The following ZNF227 variants were observed in gnomAD, a reference collection of about 807,000 sequenced individuals.
The protein encoded by ZNF227 is zinc finger protein 227.
ZNF227 carries 12 observed loss-of-function variants against 13.2 expected under a neutral mutation model. The ratio of observed to expected loss-of-function variants is 0.91; its 90% confidence interval spans 0.58 to 1.47. The LOEUF (loss-of-function observed/expected upper bound fraction) is 1.47, where lower values mean the gene tolerates loss of function less well. ZNF227 is among the 40% of genes most tolerant of loss of function. The pLI is 0.00. For missense variants in ZNF227, 885 were observed against 967.5 expected, an observed-to-expected ratio of 0.91 and a Z score of 1.13; for synonymous variants, 338 against 326.0, an observed-to-expected ratio of 1.04 and a Z score of -0.40.
At chr19:44,220,864 T>C (rs1191697273) in intron 3 of ZNF227, among the ~76,000 whole-genome samples, 2 of 151,528 alleles carry the variant, frequency 1.3e-5, no homozygotes, top group Admixed American at 1.3e-4. Flanking sequence ...TGTGTCCATG[T>C]GTTCTCATTG....
rs1368662349 is a variant in ZNF227, at chr19:44,236,157, A to G, written c.1727A>G (p.Tyr576Cys). 2.5e-6 allele frequency: 4 copies of G among 1,614,032 alleles called. No homozygotes were observed. The highest frequency in any genetic ancestry group is 2.2e-5 in the South Asian group (2 of 91,076). ...GTAATTCACACTGGAGAAAAACCATATAAATGTGAGGAATGTGGGAAGGGC... is the reference window on the plus strand; with the variant it reads ...GTAATTCACACTGGAGAAAAACCATGTAAATGTGAGGAATGTGGGAAGGGC... The part of the protein sequence containing the change: ...HQVIHTGEKP[Y>C]KCEECGKGFS... Residue 576 changes from tyrosine (Y) to cysteine (C), a missense_variant, in exon 6 of 6, where the codon TAT becomes TGT. By Grantham distance (194) the Tyr-to-Cys change is radical. Transcript: ENST00000313040.
At chr19:44,213,609 G>C (rs1356270133) in intron 2 of ZNF227, 1 of 152,050 alleles carries the variant, frequency 6.6e-6, no homozygotes, top group African/African-American at 2.4e-5. Context: ...GTTTGTTTTT[G>C]TTTCTTTGGT....
chr19:44,208,535 A>T (rs1971263435), upstream of ZNF227, among the ~76,000 whole-genome samples: 1 of 152,206 alleles, frequency 6.6e-6, no homozygotes, highest in South Asian at 2.1e-4. Context: ...ATAGCCGCTA[A>T]TGAAATTTAC....
intron 5 of ZNF227, among the ~76,000 whole-genome samples, chr19:44,232,292 G>A (rs967048761): frequency 2.6e-5 from 4 of 152,182 alleles, no homozygotes; most frequent in Non-Finnish European, 5.9e-5. Context: ...AAGTTAGGCC[G>A]GACTTTCAGA....
intron 3 of ZNF227, among the ~76,000 whole-genome samples, chr19:44,221,686 CA>C (rs1287248541): frequency 2.0e-5 from 3 of 152,114 alleles, no homozygotes; most frequent in Non-Finnish European, 4.4e-5. Context: ...GAGTAGGTTG[CA>C]AAAATTTTCT....
chr19:44,236,914 A>G lies in ZNF227; in HGVS notation c.*84A>G, dbSNP rs1165295658. 17 of 1,113,346 alleles carry G rather than the reference A, an allele frequency of 1.5e-5. No individual in the cohort carries two copies. Among genetic ancestry groups the G allele is most frequent in the Non-Finnish European group, 1.4e-5 (11 of 790,146 alleles). The allele number at this position is 1,113,346 out of a possible 1,614,324, so 69.0% of individuals were successfully genotyped here. A position where few individuals can be genotyped will look rare whatever the true frequency, so the allele number is the denominator to read the frequency against. On this transcript the variant is annotated 3_prime_UTR_variant, in exon 6 of 6. Transcript: ENST00000313040. The stretch of plus-strand genomic sequence containing the variant: ...TCCATGCTGGTGGTAAACCCTGTAA[A>G]ACTACTGAGAGTGGAAGGGGGTTTG...
At chr19:44,230,922 A>G (rs1471607431) in intron 5 of ZNF227, among the ~76,000 whole-genome samples, 1 of 107,152 alleles carries the variant, frequency 9.3e-6, no homozygotes, top group Non-Finnish European at 1.6e-5. Context: ...AAAAAAAAAA[A>G]AAAAATATAT....
In ZNF227 at chr19:44,234,906, A is replaced by C. The variant is rs931828418; in HGVS notation, c.476A>C (p.Asp159Ala). The C allele has an allele frequency of 3.1e-6, 5 of 1,612,858 alleles. No individual in the cohort carries two copies. The highest frequency in any genetic ancestry group is 3.4e-6 in the Non-Finnish European group (4 of 1,179,744). ...NENNIMNPKG[D>A]SSIYIENQEF... is the part of the protein sequence containing the mutation. ...AACAATATAATGAACCCTAAAGGAG[A>C]TAGCTCTATTTATATTGAAAATCAA... The change falls in exon 6 of 6, where the codon GAT (aspartate) becomes GCT (alanine). Residue 159 changes from aspartate to alanine, a missense_variant. Asp to Ala is a moderately radical substitution (Grantham distance 126). Transcript: ENST00000313040.
Position 44,225,036 on chromosome 19 carries a change from T to G in ZNF227, c.61-3410T>G, listed in dbSNP as rs542266126. ...TCTCCTTCACTTATGAAGCTTAGTT[T>G]GGCTGGATATGAAATTCTGGGTTGA... On this transcript the variant is annotated intron_variant, in intron 3 of 5. Transcript: ENST00000313040. 1.7e-4 allele frequency among the ~76,000 whole-genome samples: 26 copies of G among 152,100 alleles called. 1 individual carries two copies. In the South Asian group the frequency reaches 5.0e-3, roughly 29 times the overall value.
chr19:44,216,250 T>C (rs1311860392), intron 2 of ZNF227, among the ~76,000 whole-genome samples: 1 of 152,050 alleles, frequency 6.6e-6, no homozygotes, highest in Non-Finnish European at 1.5e-5. Context: ...TTCTTTCTCA[T>C]GTAAATAATC....
At chr19:44,225,056 G>C (rs1972958852) in intron 3 of ZNF227, among the ~76,000 whole-genome samples, 2 of 151,766 alleles carry the variant, frequency 1.3e-5, no homozygotes, top group Non-Finnish European at 2.9e-5. Context: ...TGAAATTCTG[G>C]GTTGAAAATT....
chr19:44,221,496 A>C (rs1972509978), intron 3 of ZNF227, among the ~76,000 whole-genome samples: 1 of 152,056 alleles, frequency 6.6e-6, no homozygotes, highest in African/African-American at 2.4e-5. Flanking sequence ...TTTGATTTGC[A>C]TTTCCCTGAT....
Position 44,226,193 on chromosome 19 carries a change from T to TG in ZNF227, c.61-2246dup, listed in dbSNP as rs565095726. Among the ~76,000 whole-genome samples the TG allele has an allele frequency of 6.4e-3, 968 of 152,218 alleles. 10 individuals are homozygous for TG. Among genetic ancestry groups the TG allele is most frequent in the African/African-American group, 0.018 (749 of 41,546 alleles). On this transcript the variant is annotated intron_variant, in intron 3 of 5. Transcript: ENST00000313040. ...GTGTGAGGTGTCAGTCTGCCCCTACTGGGGGGGTGTCTCCCAGTTAGGCTG... is the reference window on the plus strand; with the variant it reads ...GTGTGAGGTGTCAGTCTGCCCCTACTGGGGGGGGTGTCTCCCAGTTAGGCTG...
upstream of ZNF227, among the ~76,000 whole-genome samples, chr19:44,211,397 T>C (rs1347963570): frequency 6.6e-6 from 1 of 152,232 alleles, no homozygotes; most frequent in Non-Finnish European, 1.5e-5. Context: ...AAACATGTAC[T>C]GTAGTAGATA....
intron 3 of ZNF227, among the ~76,000 whole-genome samples, chr19:44,226,825 G>C (rs1435229610): frequency 6.6e-6 from 1 of 152,252 alleles, no homozygotes; most frequent in East Asian, 1.9e-4. Flanking sequence ...GATGAACCCA[G>C]TACCTCAGAT....
upstream of ZNF227, among the ~76,000 whole-genome samples, chr19:44,212,117 T>C (rs796305112): frequency 4.6e-5 from 7 of 152,058 alleles, no homozygotes; most frequent in African/African-American, 1.7e-4. Flanking sequence ...CTGGAACTCC[T>C]GACCTCGTGA....
intron 3 of ZNF227, among the ~76,000 whole-genome samples, chr19:44,223,633 G>T (rs1599802040): frequency 6.6e-6 from 1 of 151,760 alleles, no homozygotes; most frequent in Non-Finnish European, 1.5e-5. Context: ...TTTTTTATTG[G>T]GTCTATTTGA....
rs769555625 is a variant in ZNF227, at chr19:44,236,678, G to A, written c.2248G>A (p.Gly750Ser). 6.8e-6 allele frequency: 11 copies of A among 1,614,008 alleles called. No homozygotes were observed. Among genetic ancestry groups the A allele is most frequent in the Non-Finnish European group, 9.3e-6 (11 of 1,180,004 alleles). ...AAAACTCTTTAAATGTGAAGAGTGT[G>A]GTAAAGGCTTCAGTCAGAGTGCACG... ...REKLFKCEEC[G>S]KGFSQSARLE... Residue 750 changes from glycine (G) to serine (S), a missense_variant, in exon 6 of 6, where the codon GGT (glycine) becomes AGT (serine). Gly to Ser is a moderately conservative substitution (Grantham distance 56, BLOSUM62 0). Transcript: ENST00000313040.
intron 5 of ZNF227, among the ~76,000 whole-genome samples, chr19:44,233,070 T>C (rs1974018733): frequency 6.6e-6 from 1 of 152,196 alleles, no homozygotes; most frequent in Non-Finnish European, 1.5e-5. Context: ...CAGCCTGCCA[T>C]ATCCAGAAAT....
Sources: allele counts gnomAD v4.1 joint callset (sites outside exome capture counted in the v4.1 genomes callset), GRCh38; gene constraint gnomAD v4.1.1; transcripts MANE v1.5; gene names NCBI Gene and HGNC (gene_info 2026-07-23, HGNC 2026-07-21).